Variants in FAM222B observed in about 807,000 individuals in gnomAD.
The protein encoded by FAM222B is family with sequence similarity 222 member B.
A neutral mutation model predicts 38.0 loss-of-function variants in FAM222B; 12 were observed. The ratio of observed to expected loss-of-function variants is 0.32; its 90% CI spans 0.20 to 0.51. The LOEUF (loss-of-function observed/expected upper bound fraction) is 0.51. Ranked by LOEUF, FAM222B falls within the 20% of genes least tolerant of loss-of-function variation. The pLI is 0.97. For synonymous variants in FAM222B, 329 were observed against 317.2 expected (o/e 1.04, Z -0.40); for missense variants, 716 against 754.2 (o/e 0.95, Z 0.59).
chr17:28,829,994 C>A (rs2038606000), intron 1 of FAM222B, among the ~76,000 whole-genome samples: 2 of 151,146 alleles, frequency 1.3e-5, no homozygotes, highest in Non-Finnish European at 1.5e-5. Flanking sequence ...GGACTACAGG[C>A]GCAAGCCACC....
chr17:28,758,750 A>G lies in FAM222B; in HGVS notation c.1209T>C (p.Phe403=), dbSNP rs770999851. 1 of 1,576,584 alleles carries G rather than the reference A, an allele frequency of 6.3e-7. No homozygotes were observed. Among genetic ancestry groups the G allele is most frequent in the Non-Finnish European group, 8.6e-7 (1 of 1,159,332 alleles). The stretch of plus-strand genomic sequence containing the variant: ...GCGGGTAGGCAGGGGCCTTGCCCAC[A>G]AAGCCAGGCCCTGCCAACTCGCGTC... ...AAGRELAGPG[F]VGKAPAYPQE... Residue 403 remains phenylalanine, a synonymous_variant, in exon 3 of 3, where the codon TTT becomes TTC. Coordinates refer to ENST00000581407, the MANE Select transcript of FAM222B (RefSeq NM_001077498.3).
intron 1 of FAM222B, among the ~76,000 whole-genome samples, chr17:28,795,771 TAGAAG>T (rs533070673): frequency 6.6e-6 from 1 of 152,192 alleles, no homozygotes; most frequent in Non-Finnish European, 1.5e-5. Flanking sequence ...CTTTTGCACT[TAGAAG>T]AGAATTTAAA....
At chr17:28,802,273 T>G (rs1213738659) in intron 1 of FAM222B, among the ~76,000 whole-genome samples, 2 of 152,042 alleles carry the variant, frequency 1.3e-5, no homozygotes, top group Non-Finnish European at 2.9e-5. Context: ...AATTTTTGTA[T>G]TTTTAGTAGA....
chr17:28,797,216 G>A (rs2036984193), intron 1 of FAM222B, among the ~76,000 whole-genome samples: 1 of 151,808 alleles, frequency 6.6e-6, no homozygotes, highest in Non-Finnish European at 1.5e-5. Context: ...GGCTGGTCTT[G>A]AACTCCTGGC....
At chr17:28,794,512 GC>G (rs1334192622) in intron 1 of FAM222B, among the ~76,000 whole-genome samples, 1 of 152,032 alleles carries the variant, frequency 6.6e-6, no homozygotes, top group Non-Finnish European at 1.5e-5. Context: ...GAGCCACAGT[GC>G]CCGGCCTGTC....
At chr17:28,769,319 C>T (rs1200031716) in intron 1 of FAM222B, among the ~76,000 whole-genome samples, 1 of 151,816 alleles carries the variant, frequency 6.6e-6, no homozygotes, top group African/African-American at 2.4e-5. Flanking sequence ...GCTGGGACTA[C>T]AGGCGCCTGC....
chr17:28,762,013 C>T (rs2035098655), intron 2 of FAM222B: 1 of 152,084 alleles, frequency 6.6e-6, no homozygotes, highest in Non-Finnish European at 1.5e-5. Context: ...TCCCTTTGTT[C>T]CAAGTTAGTA....
chr17:28,811,419 A>AG (rs2037758633), intron 1 of FAM222B, among the ~76,000 whole-genome samples: 1 of 152,174 alleles, frequency 6.6e-6, no homozygotes, highest in African/African-American at 2.4e-5. Context: ...CAGCCTGGGC[A>AG]ACAGAGCGAG....
chr17:28,784,689 G>T (rs1279287023), intron 1 of FAM222B, among the ~76,000 whole-genome samples: 1 of 151,960 alleles, frequency 6.6e-6, no homozygotes, highest in African/African-American at 2.4e-5. Context: ...AATTAGCTGG[G>T]CGTGGTGGCA....
upstream of FAM222B, chr17:28,842,792 C>T (rs951104947): frequency 2.0e-5 from 3 of 152,912 alleles, no homozygotes; most frequent in Admixed American, 2.0e-4. Context: ...GTGGGGACTA[C>T]CCGGAGCCGC....
Position 28,758,881 on chromosome 17 carries a change from G to A in FAM222B, c.1078C>T (p.Leu360Phe). The A allele has an allele frequency of 1.2e-6, 2 of 1,608,002 alleles. No individual in the cohort carries two copies. The highest frequency in any genetic ancestry group is 8.5e-7 in the Non-Finnish European group (1 of 1,177,874). Residue 360 changes from leucine to phenylalanine, a missense_variant, in exon 3 of 3, where the codon CTC (leucine) becomes TTC (phenylalanine). Physicochemically the swap from Leu to Phe is conservative, Grantham distance 22. Transcript: ENST00000581407. The part of the protein sequence containing the change: ...SRVPTGYPSD[L>F]KPVTWNQHQL... ...TGCTGGTTCCAGGTGACTGGCTTGA[G>A]GTCGCTAGGGTAGCCAGTGGGGACG...
At chr17:28,822,787 A>T (rs1185115415) in intron 1 of FAM222B, among the ~76,000 whole-genome samples, 6 of 116,202 alleles carry the variant, frequency 5.2e-5, no homozygotes, top group Non-Finnish European at 1.0e-4. Flanking sequence ...TGGGCGATAG[A>T]GCAAGACTCC....
At chr17:28,838,096 T>C (rs886626103) in intron 1 of FAM222B, among the ~76,000 whole-genome samples, 1 of 151,852 alleles carries the variant, frequency 6.6e-6, no homozygotes, top group South Asian at 2.1e-4. Context: ...TGAAACACCA[T>C]TTCTACTAAA....
At chr17:28,798,697 CG>C (rs1567851813) in intron 1 of FAM222B, among the ~76,000 whole-genome samples, 1 of 150,678 alleles carries the variant, frequency 6.6e-6, no homozygotes, top group Non-Finnish European at 1.5e-5. Context: ...TGCAGTGGCG[CG>C]ATCTCGGCTC....
In FAM222B at chr17:28,834,060, G is replaced by A. The variant is rs149826981; in HGVS notation, c.-41+8622C>T. 1.8e-4 allele frequency among the ~76,000 whole-genome samples: 28 copies of A among 151,916 alleles called. No individual in the cohort carries two copies. In the East Asian group the frequency reaches 3.3e-3, roughly 18 times the overall value. On this transcript the variant is annotated intron_variant, in intron 1 of 2. Transcript: ENST00000581407. The stretch of plus-strand genomic sequence containing the variant: ...TTTGACAACTCCTTCTTCTTTACCC[G>A]TCCTCCAATATAAAGTCAATGAGAT...
At chr17:28,791,140 G>A (rs2036666724) in intron 1 of FAM222B, among the ~76,000 whole-genome samples, 1 of 151,662 alleles carries the variant, frequency 6.6e-6, no homozygotes, top group African/African-American at 2.4e-5. Context: ...TCGATCTCCT[G>A]ATGTCGTGAT....
At chr17:28,849,944 G>A (rs2039170300) in intron 1 of FAM222B, among the ~76,000 whole-genome samples, 1 of 151,966 alleles carries the variant, frequency 6.6e-6, no homozygotes, top group Admixed American at 6.6e-5. Flanking sequence ...TTAGCCAGGC[G>A]TGGTGGCGCA....
chr17:28,836,621 C>G (rs113662531), intron 1 of FAM222B, among the ~76,000 whole-genome samples: 130 of 152,036 alleles, frequency 8.6e-4, no homozygotes, highest in African/African-American at 2.8e-3. Context: ...GCAGGGGGTA[C>G]GTGACTGGGG....
chr17:28,849,389 T>G (rs1471948700), intron 1 of FAM222B: 2 of 151,890 alleles, frequency 1.3e-5, no homozygotes, highest in African/African-American at 4.8e-5. Context: ...GCATATCAAC[T>G]TATTTTCTCT....
Sources: allele counts gnomAD v4.1 joint callset (sites outside exome capture counted in the v4.1 genomes callset), GRCh38; gene constraint gnomAD v4.1.1; transcripts MANE v1.5; gene names NCBI Gene and HGNC (gene_info 2026-07-23, HGNC 2026-07-21).